The following POLQ variants were observed in gnomAD, a reference collection of about 807,000 sequenced individuals.
POLQ encodes the protein epididymis secretory sperm binding protein.
POLQ carries 233 observed loss-of-function variants against 259.2 expected under a neutral mutation model. That is an observed-to-expected ratio of 0.90 (90% confidence interval 0.81 to 1.00). The LOEUF (loss-of-function observed/expected upper bound fraction) is 1.00, where lower values mean the gene tolerates loss of function less well. Among genes scored for constraint, POLQ ranks in the 50% least tolerant of loss-of-function variants. POLQ has a pLI of 0.00. For missense variants in POLQ, 2,871 were observed against 3,051.6 expected, an observed-to-expected ratio of 0.94 and a Z score of 1.39; for synonymous variants, 1,025 against 1,048.8, an observed-to-expected ratio of 0.98 and a Z score of 0.44.
chr3:121,540,663 T>C (rs1308892112), intron 3 of POLQ, among the ~76,000 whole-genome samples: 1 of 152,208 alleles, frequency 6.6e-6, no homozygotes, highest in African/African-American at 2.4e-5. Context: ...TAGGGCAGGA[T>C]ACACTTCCTT....
chr3:121,481,698 T>A lies in POLQ; in HGVS notation c.6085A>T (p.Ile2029Phe). ...LLEGMETSQG[I>F]QSLGLNAGSE... ...CCAGCATTTAGCCCCAGGCTTTGAA[T>A]CCCTTGGCTGGTCTCCATCCCTTCT... The change falls in exon 19 of 30, where the codon ATT (isoleucine) becomes TTT (phenylalanine). Residue 2029 changes from isoleucine to phenylalanine, a missense_variant. Ile to Phe is a conservative substitution (Grantham distance 21). This residue lies in a region of POLQ where 2,080 missense variants were observed against 2,126.0 expected (regional missense o/e 0.98). Transcript: ENST00000264233. 1 of 1,614,104 alleles carries A rather than the reference T, an allele frequency of 6.2e-7. No individual in the cohort carries two copies. The highest frequency in any genetic ancestry group is 8.5e-7 in the Non-Finnish European group (1 of 1,180,004).
At chr3:121,432,500 G>A in intron 29 of POLQ, 83 bp from the exon 30 acceptor site, 2 of 1,425,236 alleles carry the variant, frequency 1.4e-6, no homozygotes, top group Middle Eastern at 1.8e-4. Flanking sequence ...TTATAAACCA[G>A]ACTGGAGCTC....
chr3:121,523,546 T>TA (rs989052659), intron 7 of POLQ, among the ~76,000 whole-genome samples: 57 of 149,818 alleles, frequency 3.8e-4, no homozygotes, highest in African/African-American at 8.8e-4. Context: ...ATCCCATCTC[T>TA]AAAAAAAAAT....
At chr3:121,536,636 C>A (rs2048453575) in intron 5 of POLQ, among the ~76,000 whole-genome samples, 1 of 151,960 alleles carries the variant, frequency 6.6e-6, no homozygotes, top group African/African-American at 2.4e-5. Context: ...TCAGTTGCAA[C>A]CTGAAATACT....
intron 9 of POLQ, among the ~76,000 whole-genome samples, chr3:121,512,400 ACTGAGATGGGT>A (rs1260545947): frequency 6.6e-6 from 1 of 152,190 alleles, no homozygotes; most frequent in Admixed American, 6.5e-5. Context: ...ACAGGTCAGC[ACTGAGATGGGT>A]CTGCACAAAC....
chr3:121,448,977 A>T (rs1196969386), intron 26 of POLQ, among the ~76,000 whole-genome samples: 1 of 152,232 alleles, frequency 6.6e-6, no homozygotes, highest in Non-Finnish European at 1.5e-5. Context: ...AGCAATTATC[A>T]GAGTTCCTAG....
chr3:121,501,193 C>T (rs969827382), intron 12 of POLQ, among the ~76,000 whole-genome samples: 2 of 152,002 alleles, frequency 1.3e-5, no homozygotes, highest in African/African-American at 4.8e-5. Flanking sequence ...CTTCTAGGCT[C>T]AAGCCATCTA....
Position 121,486,385 on chromosome 3 carries a change from C to T in POLQ, c.5629+917G>A, listed in dbSNP as rs191425837. ...CTAACACAGTGAAACCCCATCTGTA[C>T]TAAAATACAAAATAAAAAATTAGCC... On this transcript the variant is annotated intron_variant, in intron 16 of 29. Coordinates refer to ENST00000264233, the MANE Select transcript of POLQ (RefSeq NM_199420.4). 1.1e-4 allele frequency among the ~76,000 whole-genome samples: 17 copies of T among 151,772 alleles called. No individual in the cohort carries two copies. The East Asian group carries it at 3.3e-3, about 29-fold the overall frequency.
intron 14 of POLQ, among the ~76,000 whole-genome samples, chr3:121,495,716 C>T (rs2048113755): frequency 6.6e-6 from 1 of 150,930 alleles, no homozygotes; most frequent in African/African-American, 2.4e-5. Context: ...GGGCGTGGTG[C>T]CGGGCACCTG....
intron 1 of POLQ, 42 bp from the exon 2 acceptor site, chr3:121,544,948 A>T (rs751035585): frequency 3.9e-6 from 5 of 1,293,614 alleles, no homozygotes; most frequent in African/African-American, 1.5e-5. Flanking sequence ...TTTACTTCTA[A>T]TATATGAGTT....
At chr3:121,443,755 GATTTT>G (rs2047612094) in intron 26 of POLQ, among the ~76,000 whole-genome samples, 2 of 152,018 alleles carry the variant, frequency 1.3e-5, no homozygotes, top group Admixed American at 1.3e-4. Context: ...AATCCATTTT[GATTTT>G]ATTTTGTATA....
At chr3:121,453,900 G>C (rs1384282360) in intron 25 of POLQ, among the ~76,000 whole-genome samples, 1 of 152,124 alleles carries the variant, frequency 6.6e-6, no homozygotes, top group East Asian at 1.9e-4. Context: ...GATACTCCTC[G>C]AGAAGAGCAA....
At chr3:121,526,588 T>A (rs1265353034) in intron 7 of POLQ, among the ~76,000 whole-genome samples, 2 of 152,184 alleles carry the variant, frequency 1.3e-5, no homozygotes, top group Non-Finnish European at 1.5e-5. Flanking sequence ...ATTTTCTTAA[T>A]GGTATCTTGG....
At chr3:121,449,006 T>C (rs1272070339) in intron 26 of POLQ, among the ~76,000 whole-genome samples, 1 of 152,210 alleles carries the variant, frequency 6.6e-6, no homozygotes, top group Non-Finnish European at 1.5e-5. Context: ...CTCAATAGTT[T>C]ACTGTTTCAA....
chr3:121,472,789 TG>T (rs1410858713), intron 21 of POLQ, among the ~76,000 whole-genome samples: 1 of 152,242 alleles, frequency 6.6e-6, no homozygotes, highest in Non-Finnish European at 1.5e-5. Flanking sequence ...GACAGCTCTG[TG>T]GCTATATTTT....
intron 3 of POLQ, 28 bp downstream of exon 3, chr3:121,541,321 C>T: frequency 6.5e-7 from 1 of 1,526,876 alleles, no homozygotes; most frequent in Non-Finnish European, 8.9e-7. Flanking sequence ...GAGCCTTTCA[C>T]TATTTCAAAC....
chr3:121,509,102 T>C (rs560325314), intron 12 of POLQ, among the ~76,000 whole-genome samples: 1 of 152,324 alleles, frequency 6.6e-6, no homozygotes, highest in African/African-American at 2.4e-5. Context: ...GTTTTGTTTT[T>C]TATCTTATGA....
intron 24 of POLQ, among the ~76,000 whole-genome samples, chr3:121,463,994 CTTGT>C (rs906402968): frequency 2.0e-5 from 3 of 152,222 alleles, no homozygotes; most frequent in African/African-American, 7.2e-5. Flanking sequence ...GTCAAAGCTC[CTTGT>C]TTGATTCATG....
In POLQ at chr3:121,541,409, C is replaced by T. The variant is rs146393578; in HGVS notation, c.414G>A (p.Lys138=). 1.8e-4 allele frequency: 297 copies of T among 1,611,294 alleles called. No individual in the cohort carries two copies. The highest frequency in any genetic ancestry group is 2.4e-4 in the Non-Finnish European group (284 of 1,178,236). Residue 138 remains lysine, a synonymous_variant, in exon 3 of 30, where the codon AAG becomes AAA. Transcript: ENST00000264233. ...CAAAGGGAAGAATAAACAAAGCTTTCTTCCGCATTTCCAAAACCCGCTTCA... is the reference window on the plus strand; with the variant it reads ...CAAAGGGAAGAATAAACAAAGCTTTTTTCCGCATTTCCAAAACCCGCTTCA... ...LILKRVLEMR[K]KALFILPFVS... is the part of the protein sequence containing the mutation.
Sources: gnomAD v4.1 joint callset for allele counts (sites outside exome capture counted in the v4.1 genomes callset) on GRCh38, gnomAD v4.1.1 for gene constraint, gnomAD v4.1.1 regional missense constraint, MANE v1.5 for transcripts, NCBI Gene and HGNC (gene_info 2026-07-23, HGNC 2026-07-21) for gene names.